CAPZB: variants seen among roughly 807,000 people sequenced by gnomAD.
The protein encoded by CAPZB is F-actin-capping protein subunit beta.
In CAPZB, 2 loss-of-function variants were observed where a neutral mutation model predicts 38.1. That is an observed-to-expected ratio of 0.05 (90% CI 0.02 to 0.17). The LOEUF is 0.17. Among genes scored for constraint, CAPZB ranks in the 10% least tolerant of loss-of-function variants. The pLI is 1.00. For synonymous variants in CAPZB, 107 were observed against 127.4 expected (o/e 0.84, Z 1.08); for missense variants, 161 against 334.2 (o/e 0.48, Z 4.04).
intron 6 of CAPZB, among the ~76,000 whole-genome samples, chr1:19,346,578 G>A (rs1363645130): frequency 4.6e-5 from 7 of 152,018 alleles, no homozygotes; most frequent in Admixed American, 4.6e-4. Context: ...GGAGTCTGGG[G>A]GGAGATACTG....
At chr1:19,385,423 G>C in intron 3 of CAPZB, 82 bp downstream of exon 3, 3 of 1,554,346 alleles carry the variant, frequency 1.9e-6, no homozygotes, top group Non-Finnish European at 2.6e-6. Flanking sequence ...CCAAGTCCAA[G>C]GTCCCCGTGC....
chr1:19,423,920 G>A (rs369313193), intron 1 of CAPZB, among the ~76,000 whole-genome samples: 5 of 151,828 alleles, frequency 3.3e-5, no homozygotes, highest in African/African-American at 9.7e-5. Flanking sequence ...CAAGCGATCC[G>A]CCCACCTCGG....
chr1:19,405,817 C>CTGG (rs1442309726), intron 2 of CAPZB, among the ~76,000 whole-genome samples: 1 of 152,246 alleles, frequency 6.6e-6, no homozygotes, highest in African/African-American at 2.4e-5. Flanking sequence ...CCGCCACCAT[C>CTGG]TGGAACATCA....
At chr1:19,410,346 G>A (rs2094351982) in intron 2 of CAPZB, among the ~76,000 whole-genome samples, 1 of 152,174 alleles carries the variant, frequency 6.6e-6, no homozygotes, top group South Asian at 2.1e-4. Flanking sequence ...CATCCCGTTG[G>A]TTCTTGCAGT....
chr1:19,448,700 G>T, intron 1 of CAPZB: 1 of 1,170,344 alleles, frequency 8.5e-7, no homozygotes, highest in Non-Finnish European at 1.2e-6. Context: ...TTTCCTGGGG[G>T]TAGACTGTGC....
At chr1:19,425,505 C>A (rs1226362898) in intron 1 of CAPZB, among the ~76,000 whole-genome samples, 2 of 151,998 alleles carry the variant, frequency 1.3e-5, no homozygotes, top group African/African-American at 4.8e-5. Context: ...AGGGGAGTTA[C>A]CCCATTTTAA....
At chr1:19,440,876 T>C (rs572035531) in intron 1 of CAPZB, among the ~76,000 whole-genome samples, 14 of 152,256 alleles carry the variant, frequency 9.2e-5, no homozygotes, top group South Asian at 4.1e-4. Flanking sequence ...TTGGCTAACA[T>C]GGTGAAACCC....
rs12039665 is a variant in CAPZB, at chr1:19,362,493, T to C, written c.330-4930A>G. On this transcript the variant is annotated intron_variant, in intron 4 of 8. Coordinates refer to ENST00000264202, the MANE Select transcript of CAPZB (RefSeq NM_004930.5). ...CTCGGTCTCCACTCAGTGTTGGGATTACAGGCGTGAGCCACCACGTCTGGT... is the reference window on the plus strand; with the variant it reads ...CTCGGTCTCCACTCAGTGTTGGGATCACAGGCGTGAGCCACCACGTCTGGT... Among the ~76,000 whole-genome samples, 22 of 152,276 alleles carry C rather than the reference T, an allele frequency of 1.4e-4. No homozygotes were observed. The East Asian group carries it at 3.9e-3, about 27-fold the overall frequency.
intron 4 of CAPZB, among the ~76,000 whole-genome samples, chr1:19,366,251 AGCCTG>A (rs2094084895): frequency 1.4e-5 from 2 of 147,132 alleles, no homozygotes; most frequent in South Asian, 4.2e-4. Context: ...GTTCAAGACC[AGCCTG>A]GGCAACATAG....
At chr1:19,472,321 T>TGAA (rs1469771655) in intron 1 of CAPZB, among the ~76,000 whole-genome samples, 5 of 152,172 alleles carry the variant, frequency 3.3e-5, no homozygotes, top group Admixed American at 1.3e-4. Context: ...CCTCTGAGGT[T>TGAA]AGGGATCTCT....
At chr1:19,478,161 A>T (rs759169169) in intron 1 of CAPZB, among the ~76,000 whole-genome samples, 35 of 152,230 alleles carry the variant, frequency 2.3e-4, no homozygotes, top group Non-Finnish European at 4.3e-4. Flanking sequence ...TGCTGTTTTC[A>T]GCAGTCTGGT....
Position 19,406,318 on chromosome 1 carries a change from T to TTGGCAGC in CAPZB, c.93+13336_93+13342dup, listed in dbSNP as rs1322245432. Among the ~76,000 whole-genome samples the TTGGCAGC allele has an allele frequency of 2.6e-5, 4 of 152,254 alleles. No homozygotes were observed. The East Asian group carries it at 5.8e-4, about 22-fold the overall frequency. On this transcript the variant is annotated intron_variant, in intron 2 of 8. Transcript: ENST00000264202. ...GCACCCCTCCCCCCGGCACTACTGC[T>TTGGCAGC]TGGCAGCTGGCAGCTGGGATGTTGG...
chr1:19,413,131 C>T lies in CAPZB; in HGVS notation c.93+6530G>A, dbSNP rs775894709. On this transcript the variant is annotated intron_variant, in intron 2 of 8. Transcript: ENST00000264202. The stretch of plus-strand genomic sequence containing the variant: ...TTATTCACTGGTCAATGACCAATGG[C>T]CTGAGAGAATCCAACTAGGGTCATT... Among the ~76,000 whole-genome samples, 55 of 152,300 alleles carry T rather than the reference C, an allele frequency of 3.6e-4. 1 individual carries two copies. The highest frequency in any genetic ancestry group is 2.1e-3 in the East Asian group (11 of 5,192).
intron 1 of CAPZB, among the ~76,000 whole-genome samples, chr1:19,445,407 C>T (rs2100662969): frequency 6.6e-6 from 1 of 151,358 alleles, no homozygotes; most frequent in East Asian, 1.9e-4. Flanking sequence ...TGGCATTTTC[C>T]AAGAGTAAAA....
chr1:19,468,600 G>A (rs1304290816), intron 1 of CAPZB, among the ~76,000 whole-genome samples: 1 of 152,054 alleles, frequency 6.6e-6, no homozygotes, highest in African/African-American at 2.4e-5. Context: ...GGCAGGGCAG[G>A]AGAGTGTACT....
intron 1 of CAPZB, among the ~76,000 whole-genome samples, chr1:19,471,096 A>G (rs547129618): frequency 1.8e-4 from 27 of 152,356 alleles, no homozygotes; most frequent in Non-Finnish European, 3.1e-4. Context: ...TGTTTAATTC[A>G]TAAACCAGGC....
At position 19,455,720 on chromosome 1, in the gene CAPZB, T is replaced by C. The variant is rs149957562; in HGVS notation, c.3+29716A>G. Among the ~76,000 whole-genome samples, 22 of 152,312 alleles carry C rather than the reference T, an allele frequency of 1.4e-4. No homozygotes were observed. The East Asian group carries it at 4.2e-3, about 29-fold the overall frequency. On this transcript the variant is annotated intron_variant, in intron 1 of 8. Coordinates refer to ENST00000264202, the MANE Select transcript of CAPZB (RefSeq NM_004930.5). ...ATGAGATTGGCCCTGACGCCAATTG[T>C]CACTCATCTCAGGTCCTTCCAAAAG...
chr1:19,464,916 G>A (rs2094564298), intron 1 of CAPZB, among the ~76,000 whole-genome samples: 1 of 152,090 alleles, frequency 6.6e-6, no homozygotes, highest in South Asian at 2.1e-4. Context: ...AGGGCCAAAG[G>A]GGCATGAAGG....
At position 19,466,432 on chromosome 1, in the gene CAPZB, A is replaced by C. The variant is rs2094569426; in HGVS notation, c.3+19004T>G. On this transcript the variant is annotated intron_variant, in intron 1 of 8. Transcript: ENST00000264202. The stretch of plus-strand genomic sequence containing the variant: ...CAACGTTTTTCAATCTTTTGAGCTC[A>C]TAGATCACATGTCTAGGTCAGAGTC... 2.0e-5 allele frequency among the ~76,000 whole-genome samples: 3 copies of C among 152,234 alleles called. 1 individual carries two copies. The South Asian group carries it at 6.2e-4, about 32-fold the overall frequency.
Sources: gnomAD v4.1 joint callset for allele counts (sites outside exome capture counted in the v4.1 genomes callset) on GRCh38, gnomAD v4.1.1 for gene constraint, MANE v1.5 for transcripts, NCBI Gene and HGNC (gene_info 2026-07-23, HGNC 2026-07-21) for gene names.